The following CRPPA variants were observed in gnomAD, a reference collection of about 807,000 sequenced individuals.
CRPPA encodes D-ribitol-5-phosphate cytidylyltransferase.
In CRPPA, 43 loss-of-function variants were observed where a neutral mutation model predicts 52.0. That is an observed-to-expected ratio of 0.83 (90% CI 0.65 to 1.07). The LOEUF is 1.07. CRPPA is among the 50% of genes least tolerant of loss of function. The pLI is 0.00. For synonymous variants in CRPPA, 250 were observed against 203.5 expected (o/e 1.23, Z -1.94); for missense variants, 629 against 551.7 (o/e 1.14, Z -1.40).
In CRPPA at chr7:16,233,843, G is replaced by A. The variant is rs1463218180; in HGVS notation, c.1120-17646C>T. Among the ~76,000 whole-genome samples the A allele has an allele frequency of 2.6e-5, 4 of 152,178 alleles. No homozygotes were observed. In the East Asian group the frequency reaches 5.8e-4, roughly 22 times the overall value. On this transcript the variant is annotated intron_variant, in intron 8 of 9. Transcript: ENST00000407010. ...ATTCTGTTGACATACTGTAATATTA[G>A]CATTTATTTTAAGTTTGAAGGTAAC...
chr7:16,319,314 AC>A (rs1282476715), intron 3 of CRPPA, among the ~76,000 whole-genome samples: 2 of 152,080 alleles, frequency 1.3e-5, no homozygotes, highest in Non-Finnish European at 2.9e-5. Flanking sequence ...TGAAAAGGTC[AC>A]CCTTGAAGTC....
chr7:16,091,773 TA>T lies in CRPPA; in HGVS notation c.1277del (p.Leu426Ter). Reference sequence around the variant, plus strand: ...AAGCAATAATGATAGCACCTTGCCTTAAACTCTCCTGTAGCTTCTGATCATC... The same window carrying T: ...AAGCAATAATGATAGCACCTTGCCTTAACTCTCCTGTAGCTTCTGATCATC... Reference protein sequence around the residue: ...PQDDQKLQESLRQGAIIIASL... With the variant: ...PQDDQKLQESXRQGAIIIASL... On this transcript the variant is annotated frameshift_variant, in exon 10 of 10. Coordinates refer to ENST00000407010, the MANE Select transcript of CRPPA (RefSeq NM_001101426.4). LOFTEE classifies it high-confidence loss of function. 1 of 1,550,082 alleles carries T rather than the reference TA, an allele frequency of 6.5e-7. No homozygotes were observed. The highest frequency in any genetic ancestry group is 8.7e-7 in the Non-Finnish European group (1 of 1,145,636).
At chr7:16,365,370 A>C (rs954638349) in intron 3 of CRPPA, among the ~76,000 whole-genome samples, 2 of 152,232 alleles carry the variant, frequency 1.3e-5, no homozygotes, top group African/African-American at 2.4e-5. Context: ...TGTTTGTGAA[A>C]TAATGGCCAG....
intron 6 of CRPPA, among the ~76,000 whole-genome samples, chr7:16,277,707 C>T (rs1583487272): frequency 1.3e-5 from 2 of 152,134 alleles, no homozygotes; most frequent in Non-Finnish European, 2.9e-5. Context: ...CACATTTACT[C>T]GCTTTTCCAA....
At chr7:16,159,350 T>G (rs1277994512) in intron 9 of CRPPA, among the ~76,000 whole-genome samples, 1 of 152,178 alleles carries the variant, frequency 6.6e-6, no homozygotes, top group Non-Finnish European at 1.5e-5. Flanking sequence ...AACGCTTGTT[T>G]GTTATATTTG....
intron 2 of CRPPA, among the ~76,000 whole-genome samples, chr7:16,401,994 A>G (rs1191825911): frequency 6.6e-6 from 1 of 152,226 alleles, no homozygotes; most frequent in African/African-American, 2.4e-5. Flanking sequence ...AGATGCTTTC[A>G]GTTAACAAGA....
At chr7:16,310,189 A>G (rs536147556) in intron 3 of CRPPA, among the ~76,000 whole-genome samples, 15 of 152,236 alleles carry the variant, frequency 9.9e-5, no homozygotes, top group African/African-American at 3.4e-4. Context: ...CATTGATCAC[A>G]TGAGAAACAC....
intron 8 of CRPPA, among the ~76,000 whole-genome samples, chr7:16,240,746 T>A (rs1329608418): frequency 6.6e-6 from 1 of 152,148 alleles, no homozygotes; most frequent in South Asian, 2.1e-4. Context: ...AAACACATTT[T>A]CCTAGTCTAG....
intron 3 of CRPPA, among the ~76,000 whole-genome samples, chr7:16,316,654 G>C (rs1181725968): frequency 6.6e-6 from 1 of 152,032 alleles, no homozygotes; most frequent in Admixed American, 6.6e-5. Flanking sequence ...TTGAGGCCAG[G>C]AGTTCAAGAC....
At chr7:16,279,824 A>G (rs1164694410) in intron 5 of CRPPA, among the ~76,000 whole-genome samples, 1 of 152,202 alleles carries the variant, frequency 6.6e-6, no homozygotes, top group Non-Finnish European at 1.5e-5. Context: ...AATTACTTGA[A>G]AGCTATATTA....
At chr7:16,365,863 T>G (rs904973896) in intron 3 of CRPPA, among the ~76,000 whole-genome samples, 1 of 152,050 alleles carries the variant, frequency 6.6e-6, no homozygotes, top group Non-Finnish European at 1.5e-5. Context: ...AAATTGTACC[T>G]AGGATGTATA....
At chr7:16,187,854 A>G (rs1161508372) in intron 9 of CRPPA, among the ~76,000 whole-genome samples, 1 of 152,120 alleles carries the variant, frequency 6.6e-6, no homozygotes, top group Non-Finnish European at 1.5e-5. Context: ...GGAATAATGT[A>G]ACGAAGAGTC....
At chr7:16,175,952 T>A (rs1314345737) in intron 9 of CRPPA, among the ~76,000 whole-genome samples, 2 of 151,854 alleles carry the variant, frequency 1.3e-5, no homozygotes, top group Non-Finnish European at 2.9e-5. Flanking sequence ...TATTTAGGAG[T>A]CATGAATATC....
chr7:16,234,434 G>GAAAT (rs1213197559), intron 8 of CRPPA, among the ~76,000 whole-genome samples: 1 of 151,974 alleles, frequency 6.6e-6, no homozygotes, highest in South Asian at 2.1e-4. Context: ...AGACAATTTT[G>GAAAT]AAATAAAAAA....
chr7:16,174,040 T>C (rs566399108), intron 9 of CRPPA, among the ~76,000 whole-genome samples: 1 of 152,264 alleles, frequency 6.6e-6, no homozygotes, highest in East Asian at 1.9e-4. Context: ...TATATAATAA[T>C]GTAGGAGAAT....
At chr7:16,242,780 T>G (rs1025946572) in intron 8 of CRPPA, among the ~76,000 whole-genome samples, 1 of 152,126 alleles carries the variant, frequency 6.6e-6, no homozygotes, top group African/African-American at 2.4e-5. Context: ...AAAAAAAAAT[T>G]TTTTTCACCT....
intron 3 of CRPPA, among the ~76,000 whole-genome samples, chr7:16,341,748 T>C (rs1476769705): frequency 6.6e-6 from 1 of 152,184 alleles, no homozygotes; most frequent in Non-Finnish European, 1.5e-5. Context: ...ACAATAAGAC[T>C]TATCTCAACA....
intron 9 of CRPPA, among the ~76,000 whole-genome samples, chr7:16,126,042 A>C (rs1348672849): frequency 6.6e-6 from 1 of 152,178 alleles, no homozygotes; most frequent in Non-Finnish European, 1.5e-5. Context: ...TGGAAACAGA[A>C]AACACAGACA....
chr7:16,231,834 A>T (rs1782805621), intron 8 of CRPPA, among the ~76,000 whole-genome samples: 1 of 152,230 alleles, frequency 6.6e-6, no homozygotes, highest in East Asian at 1.9e-4. Context: ...AAGACATTAT[A>T]CATGATACAA....
Sources: allele counts gnomAD v4.1 joint callset (sites outside exome capture counted in the v4.1 genomes callset), GRCh38; gene constraint gnomAD v4.1.1; transcripts MANE v1.5; gene names NCBI Gene and HGNC (gene_info 2026-07-23, HGNC 2026-07-21).